GRID2: variants seen among roughly 807,000 people sequenced by gnomAD.
The protein encoded by GRID2 is glutamate ionotropic receptor delta type subunit 2.
GRID2 carries 33 observed loss-of-function variants against 114.8 expected under a neutral mutation model. The ratio of observed to expected loss-of-function variants is 0.29; its 90% CI spans 0.22 to 0.38. The LOEUF is 0.38. Among genes scored for constraint, GRID2 ranks in the 10% least tolerant of loss-of-function variants. The probability of loss-of-function intolerance (pLI) is 1.00; values close to 1 mark genes in which losing one functional copy is unlikely to be tolerated. For missense variants in GRID2, 1,184 were observed against 1,257.7 expected (o/e 0.94, Z 0.89); for synonymous variants, 505 against 449.9 (o/e 1.12, Z -1.55).
chr4:93,009,302 C>T (rs1721878063), intron 2 of GRID2, among the ~76,000 whole-genome samples: 1 of 152,070 alleles, frequency 6.6e-6, no homozygotes, highest in African/African-American at 2.4e-5. Context: ...ACACTGCTAT[C>T]ACTCTGAACA....
intron 2 of GRID2, among the ~76,000 whole-genome samples, chr4:92,904,309 T>C (rs1248237969): frequency 6.6e-6 from 1 of 150,394 alleles, no homozygotes; most frequent in Admixed American, 6.6e-5. Context: ...AATATGAAGA[T>C]AATTTTAATA....
At chr4:92,917,573 A>G (rs558246562) in intron 2 of GRID2, among the ~76,000 whole-genome samples, 3 of 152,322 alleles carry the variant, frequency 2.0e-5, no homozygotes, top group Non-Finnish European at 4.4e-5. Flanking sequence ...TGAGCTTTCT[A>G]CATATGGCTA....
Position 92,644,617 on chromosome 4 carries a change from C to T in GRID2, c.244+54331C>T, listed in dbSNP as rs576741854. On this transcript the variant is annotated intron_variant, in intron 2 of 15. Transcript: ENST00000282020. ...AACAAATTATATGAGCAAATTACCA[C>T]ATGCCTTCAACATCTTTAAAAGGTT... 2.6e-3 allele frequency among the ~76,000 whole-genome samples: 388 copies of T among 151,798 alleles called. 7 individuals carry two copies. The highest frequency in any genetic ancestry group is 0.014 in the Middle Eastern group (4 of 294).
intron 2 of GRID2, among the ~76,000 whole-genome samples, chr4:92,972,568 T>C (rs958333354): frequency 2.6e-5 from 4 of 152,108 alleles, no homozygotes; most frequent in Non-Finnish European, 5.9e-5. Context: ...AGATCTTATT[T>C]ATCTCAGTTT....
intron 1 of GRID2, among the ~76,000 whole-genome samples, chr4:92,546,973 A>G (rs1051401434): frequency 6.6e-6 from 1 of 152,172 alleles, no homozygotes; most frequent in Non-Finnish European, 1.5e-5. Context: ...TCTTTCAGTT[A>G]TGAGGTTCAC....
rs148122058 is a variant in GRID2 at position 93,650,661 on chromosome 4, T to G, written c.2360+24226T>G. On this transcript the variant is annotated intron_variant, in intron 14 of 15. Coordinates refer to ENST00000282020, the MANE Select transcript of GRID2 (RefSeq NM_001510.4). ...AAATGCTTTTTAGATTCCTTACACT[T>G]AAAAAAAGTCCTTTGGGATGTTTTA... Among the ~76,000 whole-genome samples, 20 of 152,244 alleles carry G rather than the reference T, an allele frequency of 1.3e-4. No individual in the cohort carries two copies. In the East Asian group the frequency reaches 3.7e-3, roughly 28 times the overall value.
intron 14 of GRID2, among the ~76,000 whole-genome samples, chr4:93,726,253 A>T (rs1010765198): frequency 1.3e-5 from 2 of 152,112 alleles, no homozygotes; most frequent in Non-Finnish European, 2.9e-5. Flanking sequence ...TCCTTCCCCC[A>T]TTGGTTGTTT....
chr4:93,440,536 C>T (rs10012811), intron 10 of GRID2, among the ~76,000 whole-genome samples: 28,882 of 151,890 alleles, frequency 0.19, 4,812 homozygotes, highest in African/African-American at 0.45. Flanking sequence ...CATGTTTGCA[C>T]GTCTGAATGG....
chr4:93,194,216 C>T (rs1056297886), intron 4 of GRID2, among the ~76,000 whole-genome samples: 4 of 152,046 alleles, frequency 2.6e-5, no homozygotes, highest in Admixed American at 6.6e-5. Flanking sequence ...AAAAACAAAA[C>T]ATGGTAGTGG....
chr4:93,259,006 A>G, intron 8 of GRID2: 1 of 425,666 alleles, frequency 2.3e-6, no homozygotes, highest in Non-Finnish European at 4.7e-6. Flanking sequence ...CGAAGTCAGG[A>G]AAATGAGTCT....
At chr4:92,334,146 G>A (rs750559597) in intron 1 of GRID2, among the ~76,000 whole-genome samples, 12 of 152,096 alleles carry the variant, frequency 7.9e-5, no homozygotes, top group Non-Finnish European at 1.5e-4. Flanking sequence ...CCTTTACTCC[G>A]TTTTGCAATA....
intron 1 of GRID2, among the ~76,000 whole-genome samples, chr4:92,357,107 C>G (rs1326212732): frequency 6.6e-6 from 1 of 151,582 alleles, no homozygotes; most frequent in Non-Finnish European, 1.5e-5. Flanking sequence ...TATTTCCAAA[C>G]TTTGGATCAA....
intron 14 of GRID2, among the ~76,000 whole-genome samples, chr4:93,702,099 C>T (rs931294073): frequency 8.6e-5 from 13 of 152,028 alleles, no homozygotes; most frequent in East Asian, 3.9e-4. Context: ...ATTATGAAAT[C>T]GACTCTTGTG....
intron 2 of GRID2, among the ~76,000 whole-genome samples, chr4:93,059,049 A>T (rs1727533754): frequency 6.6e-6 from 1 of 152,028 alleles, no homozygotes; most frequent in Non-Finnish European, 1.5e-5. Flanking sequence ...CAAAAAGTAA[A>T]TTCTATCTCT....
At chr4:93,694,056 T>G (rs575561933) in intron 14 of GRID2, among the ~76,000 whole-genome samples, 17 of 152,302 alleles carry the variant, frequency 1.1e-4, no homozygotes, top group African/African-American at 2.9e-4. Flanking sequence ...TAGGAGAGTT[T>G]GTACCATGAC....
intron 2 of GRID2, among the ~76,000 whole-genome samples, chr4:92,797,672 G>T (rs2149369631): frequency 6.6e-6 from 1 of 151,884 alleles, no homozygotes; most frequent in Middle Eastern, 3.4e-3. Context: ...ATGCATTTAT[G>T]ACATATCTAA....
At chr4:93,350,175 T>G (rs557336693) in intron 8 of GRID2, among the ~76,000 whole-genome samples, 1 of 152,210 alleles carries the variant, frequency 6.6e-6, no homozygotes, top group Admixed American at 6.6e-5. Context: ...GTCTGTCATT[T>G]ATCTGTAAAA....
chr4:92,816,757 A>G (rs1421585590), intron 2 of GRID2, among the ~76,000 whole-genome samples: 3 of 152,188 alleles, frequency 2.0e-5, no homozygotes, highest in Non-Finnish European at 4.4e-5. Flanking sequence ...TAATAGTACT[A>G]GTTTATGAAA....
intron 1 of GRID2, among the ~76,000 whole-genome samples, chr4:92,310,333 C>G (rs1353501213): frequency 6.6e-6 from 1 of 151,958 alleles, no homozygotes; most frequent in East Asian, 1.9e-4. Context: ...TTAACATTGG[C>G]AAACTCACAT....
Sources: gnomAD v4.1 joint callset for allele counts (sites outside exome capture counted in the v4.1 genomes callset) on GRCh38, gnomAD v4.1.1 for gene constraint, MANE v1.5 for transcripts, NCBI Gene and HGNC (gene_info 2026-07-23, HGNC 2026-07-21) for gene names.